The following CCDC6 variants were observed in gnomAD, a reference collection of about 807,000 sequenced individuals.
CCDC6 encodes the protein coiled-coil domain containing 6.
CCDC6 carries 20 observed loss-of-function variants against 56.6 expected under a neutral mutation model. The ratio of observed to expected loss-of-function variants is 0.35; its 90% confidence interval spans 0.25 to 0.51. The LOEUF is 0.51. CCDC6 is among the 20% of genes least tolerant of loss of function. CCDC6 has a pLI of 0.95. For missense variants in CCDC6, 367 were observed against 601.1 expected (o/e 0.61, Z 4.07); for synonymous variants, 241 against 234.4 (o/e 1.03, Z -0.26).
intron 3 of CCDC6, among the ~76,000 whole-genome samples, chr10:59,825,966 G>C (rs929423781): frequency 6.6e-6 from 1 of 152,186 alleles, no homozygotes; most frequent in East Asian, 1.9e-4. Flanking sequence ...TGCAGCTGTA[G>C]ATGATGAGGG....
At chr10:59,893,175 A>T (rs1357449282) in intron 1 of CCDC6, among the ~76,000 whole-genome samples, 1 of 152,224 alleles carries the variant, frequency 6.6e-6, no homozygotes. Context: ...TATTGAGATA[A>T]ATCAGAACAG....
rs939251548 is a variant in CCDC6, at chr10:59,804,525, G to C, written c.1005-5C>G. The stretch of plus-strand genomic sequence containing the variant: ...GCAGACATCTCATTAAAATACCTAA[G>C]AGGAGAGAGGAGGAAACGATAAAAC... On this transcript the variant is annotated splice_polypyrimidine_tract_variant and splice_region_variant and intron_variant, in intron 6 of 8. Coordinates refer to ENST00000263102, the MANE Select transcript of CCDC6 (RefSeq NM_005436.5). 1.1e-5 allele frequency: 17 copies of C among 1,521,578 alleles called. No homozygotes were observed. The highest frequency in any genetic ancestry group is 1.6e-5 in the Non-Finnish European group (17 of 1,095,598). The allele number at this position is 1,521,578 out of a possible 1,614,324, so 94.3% of individuals were successfully genotyped here.
At chr10:59,885,917 C>A (rs2071379895) in intron 1 of CCDC6, among the ~76,000 whole-genome samples, 2 of 56,376 alleles carry the variant, frequency 3.5e-5, no homozygotes, top group South Asian at 8.2e-4. Context: ...CCAACCCCGC[C>A]CCCCGCCCCC....
At chr10:59,796,884 T>C (rs986226108) in intron 7 of CCDC6, among the ~76,000 whole-genome samples, 1 of 148,532 alleles carries the variant, frequency 6.7e-6, no homozygotes, top group African/African-American at 2.5e-5. Context: ...GGCAGGAGAA[T>C]GGCATGAACT....
intron 3 of CCDC6, among the ~76,000 whole-genome samples, chr10:59,823,209 C>T (rs111373873): frequency 0.02 from 3,082 of 152,268 alleles, 106 homozygotes; most frequent in African/African-American, 0.068. Flanking sequence ...GTCACACTGG[C>T]CCTTTGCCCT....
At chr10:59,847,398 A>G (rs2071002282) in intron 2 of CCDC6, among the ~76,000 whole-genome samples, 1 of 152,128 alleles carries the variant, frequency 6.6e-6, no homozygotes, top group African/African-American at 2.4e-5. Flanking sequence ...ATAGAGGACT[A>G]GTGGAGTGAA....
intron 2 of CCDC6, among the ~76,000 whole-genome samples, chr10:59,844,762 A>AAAGAG (rs1554884869): frequency 7.5e-6 from 1 of 134,024 alleles, no homozygotes; most frequent in Non-Finnish European, 1.5e-5. Flanking sequence ...AAAAAAAAAA[A>AAAGAG]AGAGAGAGAG....
rs1428952808 is a variant in CCDC6 at position 59,794,450 on chromosome 10, C to A, written c.1230+23G>T. The A allele has an allele frequency of 5.0e-6, 8 of 1,613,158 alleles. No individual in the cohort carries two copies. In the African/African-American group the frequency reaches 8.0e-5, roughly 16 times the overall value. On this transcript the variant is annotated intron_variant, in intron 8 of 8. Coordinates refer to ENST00000263102, the MANE Select transcript of CCDC6 (RefSeq NM_005436.5). ...TACCACTTTCAGGAGTAAAGTGCTG[C>A]TTCCTACCCCACGGACACTTACTGT...
At chr10:59,889,242 T>A (rs751701784) in intron 1 of CCDC6, among the ~76,000 whole-genome samples, 16 of 152,108 alleles carry the variant, frequency 1.1e-4, no homozygotes, top group Non-Finnish European at 1.6e-4. Context: ...GCATCAGCCA[T>A]AAATGACAAA....
At chr10:59,812,185 T>C (rs916125920) in intron 5 of CCDC6, among the ~76,000 whole-genome samples, 1 of 151,802 alleles carries the variant, frequency 6.6e-6, no homozygotes, top group African/African-American at 2.4e-5. Context: ...TCTTCCAAAA[T>C]ATTAAGTATA....
chr10:59,826,659 A>T (rs1001192940), intron 3 of CCDC6, among the ~76,000 whole-genome samples: 7 of 152,254 alleles, frequency 4.6e-5, no homozygotes, highest in Non-Finnish European at 8.8e-5. Context: ...TGCATGCCAT[A>T]CAAGGGCATC....
At chr10:59,830,680 C>T (rs571468702) in intron 3 of CCDC6, among the ~76,000 whole-genome samples, 9 of 152,258 alleles carry the variant, frequency 5.9e-5, no homozygotes, top group African/African-American at 1.7e-4. Context: ...AGAGAATATA[C>T]GCTTCAGACT....
At position 59,811,625 on chromosome 10, in the gene CCDC6, C is replaced by T. The variant is rs573950583; in HGVS notation, c.847+1010G>A. Among the ~76,000 whole-genome samples the T allele has an allele frequency of 4.6e-5, 7 of 152,242 alleles. No homozygotes were observed. The East Asian group carries it at 1.2e-3, about 25-fold the overall frequency. On this transcript the variant is annotated intron_variant, in intron 5 of 8. Coordinates refer to ENST00000263102, the MANE Select transcript of CCDC6 (RefSeq NM_005436.5). The stretch of plus-strand genomic sequence containing the variant: ...GTAAATGAGTGTGCTCATTGTGTTA[C>T]TACAGCTGTCCCTCAGAACCTGTGA...
rs2071349113 is a variant in CCDC6 at position 59,882,481 on chromosome 10, GAAGGA to G, written c.303+23636_303+23640del. ...GAGAAGGAAAGGAAAGCCAGGGGGA[GAAGGA>G]AAGGAAAGCCGGGGGGAGAAGGAAA... is the stretch of plus-strand genomic sequence containing the variant. On this transcript the variant is annotated intron_variant, in intron 1 of 8. Transcript: ENST00000263102. Among the ~76,000 whole-genome samples, 6 of 74,832 alleles carry G rather than the reference GAAGGA, an allele frequency of 8.0e-5. 2 individuals are homozygous for G. The highest frequency in any genetic ancestry group is 1.8e-4 in the African/African-American group (4 of 21,726). 49.1% of individuals were successfully genotyped at this position (74,832 alleles called of 152,430 possible). A position where few individuals can be genotyped will look rare whatever the true frequency, so the allele number is the denominator to read the frequency against.
chr10:59,889,095 A>G (rs2071403346), intron 1 of CCDC6, among the ~76,000 whole-genome samples: 1 of 152,134 alleles, frequency 6.6e-6, no homozygotes, highest in South Asian at 2.1e-4. Context: ...CTGCCCATGA[A>G]TTCCTTTTTA....
chr10:59,805,033 T>G (rs1008208476), intron 6 of CCDC6: 5 of 159,476 alleles, frequency 3.1e-5, no homozygotes, highest in Non-Finnish European at 6.9e-5. Flanking sequence ...CACACTAGGA[T>G]TTAATAAGCC....
chr10:59,873,305 T>C (rs1290840813), intron 1 of CCDC6, among the ~76,000 whole-genome samples: 1 of 152,134 alleles, frequency 6.6e-6, no homozygotes, highest in Non-Finnish European at 1.5e-5. Flanking sequence ...CCCAATCCAA[T>C]ACGACTGCTG....
intron 3 of CCDC6, among the ~76,000 whole-genome samples, chr10:59,820,384 C>T (rs2070740475): frequency 6.6e-6 from 1 of 152,160 alleles, no homozygotes; most frequent in East Asian, 1.9e-4. Flanking sequence ...ATCATCATTA[C>T]TATGGGAAAA....
chr10:59,835,886 T>C (rs2070878017), intron 2 of CCDC6, among the ~76,000 whole-genome samples: 1 of 152,046 alleles, frequency 6.6e-6, no homozygotes, highest in South Asian at 2.1e-4. Flanking sequence ...AGTGAGGCTC[T>C]GTCTCTACAA....
Sources: allele counts gnomAD v4.1 joint callset (sites outside exome capture counted in the v4.1 genomes callset), GRCh38; gene constraint gnomAD v4.1.1; transcripts MANE v1.5; gene names NCBI Gene and HGNC (gene_info 2026-07-23, HGNC 2026-07-21).